Variants in SLC35F4 observed in about 807,000 individuals in gnomAD.
The protein encoded by SLC35F4 is solute carrier family 35 member F4, also known as chromosome 14 open reading frame 36.
A neutral mutation model predicts 44.2 loss-of-function variants in SLC35F4; 24 were observed. That is an observed-to-expected ratio of 0.54 (90% CI 0.39 to 0.76). The LOEUF is 0.76. Ranked by LOEUF, SLC35F4 falls within the 30% of genes least tolerant of loss-of-function variation. The pLI is 0.00. For synonymous variants in SLC35F4, 238 were observed against 223.6 expected (o/e 1.06, Z -0.57); for missense variants, 562 against 586.1 (o/e 0.96, Z 0.42).
chr14:57,786,599 C>T (rs1375950744), intron 1 of SLC35F4, among the ~76,000 whole-genome samples: 1 of 152,196 alleles, frequency 6.6e-6, no homozygotes, highest in Admixed American at 6.5e-5. Context: ...GGACTCTATG[C>T]AGACAATGCC....
intron 1 of SLC35F4, among the ~76,000 whole-genome samples, chr14:57,686,198 T>A (rs2075062310): frequency 6.6e-6 from 1 of 152,202 alleles, no homozygotes; most frequent in Non-Finnish European, 1.5e-5. Flanking sequence ...GGGTCATTAT[T>A]TCAATAAAAA....
intron 1 of SLC35F4, among the ~76,000 whole-genome samples, chr14:57,752,770 T>C (rs997440513): frequency 2.6e-4 from 39 of 152,316 alleles, no homozygotes; most frequent in African/African-American, 8.9e-4. Context: ...GAAAGCCTTG[T>C]CTTTTGTAGG....
chr14:57,581,459 T>C (rs1328838084), intron 3 of SLC35F4, 26 bp from the exon 4 acceptor site: 1 of 1,576,104 alleles, frequency 6.3e-7, no homozygotes, highest in Non-Finnish European at 8.6e-7. Context: ...GAAGTTAATA[T>C]CCAGGTACTG....
chr14:57,697,037 G>A (rs2075404168), intron 1 of SLC35F4, among the ~76,000 whole-genome samples: 1 of 152,132 alleles, frequency 6.6e-6, no homozygotes, highest in Non-Finnish European at 1.5e-5. Flanking sequence ...GTATACCTAT[G>A]TAACAAACCT....
At chr14:57,941,709 T>TAA (rs146609565) in intron 1 of SLC35F4, among the ~76,000 whole-genome samples, 2 of 148,204 alleles carry the variant, frequency 1.3e-5, no homozygotes, top group Admixed American at 1.3e-4. Flanking sequence ...CAGCTCAATT[T>TAA]AAAAAAAAAA....
At chr14:57,608,095 C>T (rs75894945) in intron 1 of SLC35F4, among the ~76,000 whole-genome samples, 10,552 of 152,052 alleles carry the variant, frequency 0.069, 1,045 homozygotes, top group African/African-American at 0.22. Context: ...GTTGGACACA[C>T]AGATCTAGAG....
At chr14:57,955,769 C>T (rs1890225735) in intron 1 of SLC35F4, among the ~76,000 whole-genome samples, 1 of 152,128 alleles carries the variant, frequency 6.6e-6, no homozygotes, top group Non-Finnish European at 1.5e-5. Flanking sequence ...AACTACAAAC[C>T]ACTGCTCAAT....
chr14:57,966,134 A>C (rs1410840172), intron 1 of SLC35F4, among the ~76,000 whole-genome samples: 1 of 152,130 alleles, frequency 6.6e-6, no homozygotes, highest in Admixed American at 6.5e-5. Context: ...ATGCAAGCTA[A>C]AGCTTGACGA....
At chr14:57,960,024 C>T (rs1003683951) in intron 1 of SLC35F4, among the ~76,000 whole-genome samples, 1 of 152,144 alleles carries the variant, frequency 6.6e-6, no homozygotes, top group Non-Finnish European at 1.5e-5. Flanking sequence ...AGAGACAGGG[C>T]TCTGGAGCCA....
chr14:57,623,902 G>C (rs983656002), intron 1 of SLC35F4, among the ~76,000 whole-genome samples: 1 of 151,886 alleles, frequency 6.6e-6, no homozygotes, highest in African/African-American at 2.4e-5. Flanking sequence ...TAGAGAAGCA[G>C]GAGTAAACAA....
At chr14:57,867,940 G>GT (rs1188417231), upstream of SLC35F4, among the ~76,000 whole-genome samples, 2 of 151,970 alleles carry the variant, frequency 1.3e-5, no homozygotes, top group Non-Finnish European at 1.5e-5. Context: ...AAAACAAGTG[G>GT]TTTTTCCCAT....
chr14:57,928,364 G>A (rs966180069), intron 1 of SLC35F4, among the ~76,000 whole-genome samples: 13 of 152,186 alleles, frequency 8.5e-5, no homozygotes, highest in Admixed American at 5.9e-4. Flanking sequence ...GGAGGCCTGT[G>A]GAAAGGCAGG....
rs2075102010 is a variant in SLC35F4, at chr14:57,687,503, A to G, written c.104-93379T>C. On this transcript the variant is annotated intron_variant, in intron 1 of 7. Transcript: ENST00000556826. ...CTTTCTCACTCTGAACATTTTTCTC[A>G]TCTTTTAGAGCAAATGAGCTCTTTT... Among the ~76,000 whole-genome samples, 5 of 152,134 alleles carry G rather than the reference A, an allele frequency of 3.3e-5. No homozygotes were observed. In the South Asian group the frequency reaches 1.0e-3, roughly 32 times the overall value.
At chr14:57,610,991 G>C (rs986810349) in intron 1 of SLC35F4, among the ~76,000 whole-genome samples, 4 of 152,240 alleles carry the variant, frequency 2.6e-5, no homozygotes, top group Admixed American at 6.5e-5. Flanking sequence ...AGTGGGTAGT[G>C]ATTGGGAATA....
At chr14:57,742,355 C>T (rs1366142559) in intron 1 of SLC35F4, among the ~76,000 whole-genome samples, 1 of 151,986 alleles carries the variant, frequency 6.6e-6, no homozygotes, top group Non-Finnish European at 1.5e-5. Flanking sequence ...CAAACATAGG[C>T]TCAAAATAAA....
In SLC35F4 at chr14:57,906,037, C is replaced by T. The variant is rs539052692; in HGVS notation, n.282+75876G>A. ...GGAGATCAGAAAGAGGACACAGAAACGGAACCAGAACACACGTCTAGCACT... is the reference window on the plus strand; with the variant it reads ...GGAGATCAGAAAGAGGACACAGAAATGGAACCAGAACACACGTCTAGCACT... On this transcript the variant is annotated intron_variant and non_coding_transcript_variant, in intron 1 of 1. Coordinates refer to the SLC35F4 transcript ENST00000556568. Among the ~76,000 whole-genome samples, 12 of 152,268 alleles carry T rather than the reference C, an allele frequency of 7.9e-5. No homozygotes were observed. In the East Asian group the frequency reaches 1.7e-3, roughly 22 times the overall value.
chr14:57,701,152 T>G (rs1320136170), intron 1 of SLC35F4, among the ~76,000 whole-genome samples: 5 of 152,074 alleles, frequency 3.3e-5, no homozygotes, highest in Non-Finnish European at 2.9e-5. Context: ...TTTTTTAACT[T>G]TTTACATTTT....
At chr14:57,625,107 T>C (rs1378122261) in intron 1 of SLC35F4, among the ~76,000 whole-genome samples, 3 of 152,112 alleles carry the variant, frequency 2.0e-5, no homozygotes, top group Non-Finnish European at 4.4e-5. Context: ...TTCAGCAAAG[T>C]CTCAGGATAC....
rs185056802 is a variant in SLC35F4, at chr14:57,620,490, T to C, written c.104-26366A>G. ...AAATCCTTTACAGACAAGCAAATGC[T>C]GAGAGATTCTGTCACCACCAGGCCT... On this transcript the variant is annotated intron_variant, in intron 1 of 7. Transcript: ENST00000556826. Among the ~76,000 whole-genome samples, 162 of 152,282 alleles carry C rather than the reference T, an allele frequency of 1.1e-3. 2 individuals are homozygous for C. Among genetic ancestry groups the C allele is most frequent in the South Asian group, 2.1e-3 (10 of 4,818 alleles).
Sources: gnomAD v4.1 joint callset for allele counts (sites outside exome capture counted in the v4.1 genomes callset) on GRCh38, gnomAD v4.1.1 for gene constraint, MANE v1.5 for transcripts, NCBI Gene and HGNC (gene_info 2026-07-23, HGNC 2026-07-21) for gene names.